The following GGA2 variants were observed in gnomAD, a reference collection of about 807,000 sequenced individuals.
GGA2 encodes the protein golgi associated, gamma adaptin ear containing, ARF binding protein 2.
In GGA2, 48 loss-of-function variants were observed where a neutral mutation model predicts 79.5. That is an observed-to-expected ratio of 0.60 (90% CI 0.48 to 0.77). GGA2 has a LOEUF of 0.77. Ranked by LOEUF, GGA2 falls within the 30% of genes least tolerant of loss-of-function variation. The probability of loss-of-function intolerance (pLI) is 0.00; values close to 1 mark genes in which losing one functional copy is unlikely to be tolerated. For synonymous variants in GGA2, 317 were observed against 302.0 expected (o/e 1.05, Z -0.51); for missense variants, 770 against 774.0 (o/e 0.99, Z 0.06).
upstream of GGA2, chr16:23,522,639 A>G (rs1159702078): frequency 2.6e-5 from 4 of 152,202 alleles, no homozygotes; most frequent in African/African-American, 9.6e-5. Flanking sequence ...GGGGCTCAAC[A>G]AACTCTGTAA....
intron 13 of GGA2, 108 bp downstream of exon 13, chr16:23,478,260 T>A: frequency 3.5e-5 from 22 of 623,994 alleles, no homozygotes; most frequent in Non-Finnish European, 5.3e-5. Context: ...AAGATGTTTC[T>A]CCAGGGCGAG....
At position 23,475,034 on chromosome 16, in the gene GGA2, G is replaced by A. The variant is rs147851283; in HGVS notation, c.1320C>T (p.Pro440=). ...ACTTAGTACCTGGTGGCACTTCCTT[G>A]GGGACACTTTTCTGCGAAACATAAT... ...PLNYVSQKSV[P]KEVPPGTKSS... Residue 440 remains proline, a synonymous_variant, in exon 14 of 17, where the codon CCC becomes CCT. Coordinates refer to ENST00000309859, the MANE Select transcript of GGA2 (RefSeq NM_015044.4). The A allele has an allele frequency of 1.0e-5, 16 of 1,589,244 alleles. No individual in the cohort carries two copies. Among genetic ancestry groups the A allele is most frequent in the African/African-American group, 1.4e-5 (1 of 73,248 alleles).
chr16:23,518,670 AAAAGAGG>A (rs1227219028), intron 2 of GGA2, among the ~76,000 whole-genome samples: 1 of 151,612 alleles, frequency 6.6e-6, no homozygotes, highest in African/African-American at 2.4e-5. Flanking sequence ...CAAATCTTGC[AAAAGAGG>A]AAAGACTTCC....
intron 2 of GGA2, among the ~76,000 whole-genome samples, chr16:23,495,093 A>G (rs977971738): frequency 6.1e-4 from 8 of 13,164 alleles, no homozygotes; most frequent in African/African-American, 1.3e-3. Context: ...AAAAAAAAAG[A>G]AAAGAAAAGA....
intron 15 of GGA2, 130 bp from the exon 16 acceptor site, chr16:23,469,126 C>T (rs1010498719): frequency 4.3e-5 from 26 of 603,814 alleles, no homozygotes; most frequent in Non-Finnish European, 7.6e-5. Context: ...ACGTGGTACC[C>T]CGAGGCACCT....
upstream of GGA2, among the ~76,000 whole-genome samples, chr16:23,515,197 C>A (rs974583856): frequency 6.6e-6 from 1 of 151,188 alleles, no homozygotes; most frequent in Non-Finnish European, 1.5e-5. Context: ...TGGTGCAAGT[C>A]CCTGTAGTCT....
intron 5 of GGA2, among the ~76,000 whole-genome samples, chr16:23,490,523 T>A (rs1390006775): frequency 6.6e-6 from 1 of 151,732 alleles, no homozygotes; most frequent in Non-Finnish European, 1.5e-5. Context: ...TCATTTGAGG[T>A]TGGGAGTTTG....
intron 16 of GGA2, 39 bp downstream of exon 16, chr16:23,468,847 G>T: frequency 7.9e-7 from 1 of 1,272,188 alleles, no homozygotes; most frequent in Non-Finnish European, 1.2e-6. Context: ...ACAGTTCAGG[G>T]GCCCCCATCT....
intron 5 of GGA2, among the ~76,000 whole-genome samples, chr16:23,490,124 G>C (rs1964764587): frequency 1.3e-5 from 2 of 152,212 alleles, no homozygotes; most frequent in Non-Finnish European, 2.9e-5. Flanking sequence ...TCTCTGAGGT[G>C]CAGAGGAAAG....
chr16:23,484,246 TAA>T (rs575473263), intron 8 of GGA2, among the ~76,000 whole-genome samples: 7 of 138,406 alleles, frequency 5.1e-5, no homozygotes, highest in Admixed American at 7.2e-5. Flanking sequence ...TGTCTCTACT[TAA>T]AAAAAAAAAA....
intron 9 of GGA2, among the ~76,000 whole-genome samples, chr16:23,482,077 G>C (rs1467481906): frequency 6.6e-6 from 1 of 152,106 alleles, no homozygotes; most frequent in East Asian, 1.9e-4. Context: ...AACCAGCCTG[G>C]CCAAAATGGT....
At chr16:23,499,905 TGCCTAGGC>T (rs1218703451) in intron 1 of GGA2, among the ~76,000 whole-genome samples, 1 of 152,146 alleles carries the variant, frequency 6.6e-6, no homozygotes, top group South Asian at 2.1e-4. Flanking sequence ...GTGAACCACG[TGCCTAGGC>T]TCCCGCATCA....
At chr16:23,515,796 C>G (rs1430006429) in intron 2 of GGA2, among the ~76,000 whole-genome samples, 1 of 152,066 alleles carries the variant, frequency 6.6e-6, no homozygotes, top group Non-Finnish European at 1.5e-5. Flanking sequence ...TCCTGGGTCT[C>G]CAGCTTACAC....
chr16:23,470,247 A>T (rs1005045595), intron 14 of GGA2, 82 bp from the exon 15 acceptor site: 19 of 1,047,880 alleles, frequency 1.8e-5, no homozygotes, highest in Non-Finnish European at 2.3e-5. Flanking sequence ...TGTACATGTT[A>T]TCCCCAGATG....
upstream of GGA2, among the ~76,000 whole-genome samples, chr16:23,515,119 G>GT (rs780380023): frequency 2.6e-5 from 4 of 151,178 alleles, no homozygotes; most frequent in Non-Finnish European, 5.9e-5. Context: ...TATTTCATGG[G>GT]GTTTTTTTTT....
At chr16:23,468,071 C>A (rs1429276452) in intron 16 of GGA2, among the ~76,000 whole-genome samples, 2 of 152,134 alleles carry the variant, frequency 1.3e-5, no homozygotes, top group Admixed American at 1.3e-4. Flanking sequence ...CCACATATAC[C>A]CCTAACACCC....
At chr16:23,502,875 G>A (rs892183350) in intron 1 of GGA2, among the ~76,000 whole-genome samples, 2 of 152,236 alleles carry the variant, frequency 1.3e-5, no homozygotes, top group Admixed American at 1.3e-4. Flanking sequence ...AACACTTTCT[G>A]AGACTTTCTT....
Position 23,495,835 on chromosome 16 carries a change from C to G in GGA2, c.92-57G>C, listed in dbSNP as rs1964848593. 15 of 1,096,500 alleles carry G rather than the reference C, an allele frequency of 1.4e-5. No individual in the cohort carries two copies. The Admixed American group carries it at 2.9e-4, about 21-fold the overall frequency. The allele number at this position is 1,096,500 out of a possible 1,614,324, so 67.9% of individuals were successfully genotyped here. ...ATAATAGGAAGAAATTTACACCCCT[C>G]CCCATACACATGGTGGCCAAGAGCT... is the stretch of plus-strand genomic sequence containing the variant. On this transcript the variant is annotated intron_variant, in intron 1 of 16. Coordinates refer to ENST00000309859, the MANE Select transcript of GGA2 (RefSeq NM_015044.4).
chr16:23,510,677 G>C (rs949666705), upstream of GGA2, among the ~76,000 whole-genome samples: 1 of 152,236 alleles, frequency 6.6e-6, no homozygotes, highest in Non-Finnish European at 1.5e-5. Flanking sequence ...AGTTAAATTT[G>C]ATTTTCAGAA....
Sources: allele counts gnomAD v4.1 joint callset (sites outside exome capture counted in the v4.1 genomes callset), GRCh38; gene constraint gnomAD v4.1.1; transcripts MANE v1.5; gene names NCBI Gene and HGNC (gene_info 2026-07-23, HGNC 2026-07-21).